Variants in BCKDHB observed in about 807,000 individuals in gnomAD.
BCKDHB encodes 2-oxoisovalerate dehydrogenase subunit beta, mitochondrial.
Under a neutral mutation model 48.5 loss-of-function variants are expected in BCKDHB, and 41 were observed. The ratio of observed to expected loss-of-function variants is 0.85; its 90% confidence interval spans 0.66 to 1.10. BCKDHB has a LOEUF of 1.10. BCKDHB is among the 50% of genes least tolerant of loss of function. The probability of loss-of-function intolerance (pLI) is 0.00; values close to 1 mark genes in which losing one functional copy is unlikely to be tolerated. For missense variants in BCKDHB, 496 were observed against 494.2 expected, an observed-to-expected ratio of 1.00 and a Z score of -0.03; for synonymous variants, 201 against 174.8, an observed-to-expected ratio of 1.15 and a Z score of -1.18.
At chr6:80,316,299 G>A (rs1387406898) in intron 9 of BCKDHB, among the ~76,000 whole-genome samples, 1 of 152,014 alleles carries the variant, frequency 6.6e-6, no homozygotes, top group East Asian at 1.9e-4. Context: ...GAATCATAAT[G>A]ATTTTGTTTG....
At chr6:80,308,579 T>TTTC (rs201942046) in intron 9 of BCKDHB, among the ~76,000 whole-genome samples, 1,564 of 147,336 alleles carry the variant, frequency 0.011, 22 homozygotes, top group East Asian at 0.051. Context: ...ACAGGTAGAT[T>TTTC]TTCTTCTTCT....
chr6:80,379,619 T>G, the BCKDHB span, among the ~76,000 whole-genome samples: 1 of 151,858 alleles, frequency 6.6e-6, no homozygotes, highest in African/African-American at 2.4e-5. Context: ...AGAAAAGAAA[T>G]AAAAGACATT....
At chr6:80,423,746 T>A in the BCKDHB span, among the ~76,000 whole-genome samples, 1 of 152,246 alleles carries the variant, frequency 6.6e-6, no homozygotes, top group African/African-American at 2.4e-5. Flanking sequence ...CTTATAACAG[T>A]GTCTGACAAA....
chr6:80,137,303 A>G (rs1770937785), intron 3 of BCKDHB, among the ~76,000 whole-genome samples: 1 of 152,168 alleles, frequency 6.6e-6, no homozygotes, highest in African/African-American at 2.4e-5. Context: ...AATTTATAAC[A>G]CTGACCTCTC....
chr6:80,447,793 G>T, the BCKDHB span, among the ~76,000 whole-genome samples: 6 of 152,058 alleles, frequency 3.9e-5, no homozygotes, highest in Admixed American at 3.3e-4. Flanking sequence ...AGTGCAACAA[G>T]AACTGGACTA....
intron 3 of BCKDHB, among the ~76,000 whole-genome samples, chr6:80,145,917 G>C (rs1424093751): frequency 6.6e-6 from 1 of 152,134 alleles, no homozygotes; most frequent in Admixed American, 6.6e-5. Context: ...CAATTTATTA[G>C]CTCTAAGAGC....
the BCKDHB span, among the ~76,000 whole-genome samples, chr6:80,438,876 T>C: frequency 6.6e-6 from 1 of 152,186 alleles, no homozygotes; most frequent in Admixed American, 6.5e-5. Flanking sequence ...CTTTCTTGTG[T>C]AACAGAGCGG....
chr6:80,149,308 A>C (rs1294060864), intron 3 of BCKDHB, among the ~76,000 whole-genome samples: 1 of 152,200 alleles, frequency 6.6e-6, no homozygotes. Flanking sequence ...ATCATTAAAA[A>C]GTCAGGAAAC....
intron 3 of BCKDHB, among the ~76,000 whole-genome samples, chr6:80,154,768 T>A (rs1055031438): frequency 1.4e-4 from 21 of 152,238 alleles, no homozygotes; most frequent in African/African-American, 4.8e-4. Context: ...TTCAGATAAT[T>A]TGTTGAACTA....
chr6:80,128,771 A>G lies in BCKDHB; in HGVS notation c.275-390A>G, dbSNP rs117682545. Among the ~76,000 whole-genome samples, 78 of 152,286 alleles carry G rather than the reference A, an allele frequency of 5.1e-4. No individual in the cohort carries two copies. The East Asian group carries it at 0.015, about 29-fold the overall frequency. On this transcript the variant is annotated intron_variant, in intron 2 of 9. Coordinates refer to ENST00000320393, the MANE Select transcript of BCKDHB (RefSeq NM_183050.4). ...TCATGGATAAAACAAATGAGATTCT[A>G]GATCAGTGGTTCTTTCTCAACTGGG...
intron 8 of BCKDHB, among the ~76,000 whole-genome samples, chr6:80,210,994 T>A (rs1335308866): frequency 6.6e-6 from 1 of 152,152 alleles, no homozygotes; most frequent in Non-Finnish European, 1.5e-5. Flanking sequence ...AGATTTTTCT[T>A]AAATAAGGAG....
At chr6:80,320,442 G>A (rs1380213202) in intron 9 of BCKDHB, among the ~76,000 whole-genome samples, 1 of 152,052 alleles carries the variant, frequency 6.6e-6, no homozygotes, top group Non-Finnish European at 1.5e-5. Context: ...TAATTGTAGT[G>A]TTTTTCATGT....
chr6:80,191,555 C>G (rs10943696), intron 6 of BCKDHB, among the ~76,000 whole-genome samples: 55,193 of 151,988 alleles, frequency 0.36, 11,959 homozygotes, highest in East Asian at 0.56. Context: ...CTACCCCTTC[C>G]CCCCCTCATG....
intron 1 of BCKDHB, among the ~76,000 whole-genome samples, chr6:80,108,121 G>C (rs1295065174): frequency 1.3e-5 from 2 of 152,036 alleles, no homozygotes; most frequent in Non-Finnish European, 2.9e-5. Context: ...ATGGAGTCTT[G>C]AGACAGTTTG....
At position 80,124,367 on chromosome 6, in the gene BCKDHB, C is replaced by T. The variant is rs1034658644; in HGVS notation, c.197-3180C>T. Among the ~76,000 whole-genome samples the T allele has an allele frequency of 5.9e-5, 9 of 152,134 alleles. 1 individual carries two copies. Among genetic ancestry groups the T allele is most frequent in the Non-Finnish European group, 1.2e-4 (8 of 68,012 alleles). On this transcript the variant is annotated intron_variant, in intron 1 of 9. Transcript: ENST00000320393. ...TGTAGTGCTGAGAAGAATGTGTATT[C>T]TGTTGATTTGGGGTGGAGAGTTCTG... is the stretch of plus-strand genomic sequence containing the variant.
At chr6:80,238,626 G>A (rs971199201) in intron 8 of BCKDHB, among the ~76,000 whole-genome samples, 11 of 151,330 alleles carry the variant, frequency 7.3e-5, no homozygotes, top group African/African-American at 2.7e-4. Flanking sequence ...TATACTTTAA[G>A]TTCTACGGTA....
chr6:80,302,330 A>G (rs958862726), intron 9 of BCKDHB, among the ~76,000 whole-genome samples: 1 of 152,198 alleles, frequency 6.6e-6, no homozygotes, highest in Non-Finnish European at 1.5e-5. Context: ...ATGTACAAAA[A>G]TCAGTAGCAT....
chr6:80,198,563 A>G (rs748879309), intron 6 of BCKDHB, among the ~76,000 whole-genome samples: 8 of 152,194 alleles, frequency 5.3e-5, no homozygotes, highest in Non-Finnish European at 8.8e-5. Flanking sequence ...TCACCACTCT[A>G]TCACCCATAA....
intron 1 of BCKDHB, among the ~76,000 whole-genome samples, chr6:80,114,822 G>A (rs901258705): frequency 2.0e-5 from 3 of 152,196 alleles, no homozygotes; most frequent in Admixed American, 2.0e-4. Context: ...GGCCTGGCTG[G>A]GTTGGAGATA....
Sources: allele counts gnomAD v4.1 joint callset (sites outside exome capture counted in the v4.1 genomes callset), GRCh38; gene constraint gnomAD v4.1.1; transcripts MANE v1.5; gene names NCBI Gene and HGNC (gene_info 2026-07-23, HGNC 2026-07-21).